Variants in KIT observed in about 807,000 individuals in gnomAD.
The protein encoded by KIT is mast/stem cell growth factor receptor Kit.
KIT carries 16 observed loss-of-function variants against 105.7 expected under a neutral mutation model. That is an observed-to-expected ratio of 0.15 (90% CI 0.10 to 0.23). The LOEUF (loss-of-function observed/expected upper bound fraction) is 0.23, where lower values mean the gene tolerates loss of function less well. Among genes scored for constraint, KIT ranks in the 10% least tolerant of loss-of-function variants. The pLI is 1.00. For missense variants in KIT, 858 were observed against 1,213.8 expected (o/e 0.71, Z 4.36); for synonymous variants, 438 against 441.1 (o/e 0.99, Z 0.09).
intron 1 of KIT, 78 bp from the exon 2 acceptor site, chr4:54,695,434 G>T: frequency 6.9e-7 from 1 of 1,458,538 alleles, no homozygotes; most frequent in Non-Finnish European, 9.6e-7. Flanking sequence ...ACAGAAGATG[G>T]AACTCAGTAT....
chr4:54,659,588 G>A (rs1258815396), intron 1 of KIT, among the ~76,000 whole-genome samples: 2 of 152,138 alleles, frequency 1.3e-5, no homozygotes, highest in African/African-American at 4.8e-5. Flanking sequence ...CTTTCCTGTG[G>A]GGGGCAGAGA....
chr4:54,731,249 G>T, intron 14 of KIT, 79 bp from the exon 15 acceptor site: 1 of 921,014 alleles, frequency 1.1e-6, no homozygotes, highest in South Asian at 1.3e-5. Context: ...CAAAGGGGAT[G>T]AGGAGGTAGA....
chr4:54,740,057 C>T lies in KIT; in HGVS notation c.*1500C>T, dbSNP rs1723154215. The T allele has an allele frequency of 4.3e-6, 1 of 233,656 alleles. No homozygotes were observed. Among genetic ancestry groups the T allele is most frequent in the Non-Finnish European group, 8.5e-6 (1 of 118,020 alleles). 14.5% of individuals were successfully genotyped at this position (233,656 alleles called of 1,614,324 possible). A position where few individuals can be genotyped will look rare whatever the true frequency, so the allele number is the denominator to read the frequency against. On this transcript the variant is annotated 3_prime_UTR_variant, in exon 21 of 21. Transcript: ENST00000288135. ...AAAACAAAACAAAAAACTCCCCTTCCTCACTGCCCAATATAAAAGGCAAAT... is the reference window on the plus strand; with the variant it reads ...AAAACAAAACAAAAAACTCCCCTTCTTCACTGCCCAATATAAAAGGCAAAT...
At chr4:54,678,345 C>CTTCT (rs1718653817) in intron 1 of KIT, among the ~76,000 whole-genome samples, 1 of 99,488 alleles carries the variant, frequency 1.0e-5, no homozygotes, top group South Asian at 3.4e-4. Context: ...TCCTTCCTTC[C>CTTCT]TTCCTTCCCT....
intron 1 of KIT, among the ~76,000 whole-genome samples, chr4:54,682,837 T>C (rs1719044708): frequency 6.6e-6 from 1 of 151,180 alleles, no homozygotes; most frequent in African/African-American, 2.4e-5. Context: ...CTGCAACCTC[T>C]GCCTCCCTGG....
intron 1 of KIT, among the ~76,000 whole-genome samples, chr4:54,673,909 A>T (rs571714485): frequency 1.3e-5 from 2 of 152,142 alleles, no homozygotes; most frequent in Non-Finnish European, 2.9e-5. Context: ...AGCTGGGATT[A>T]TAGGCATGTG....
At position 54,739,805 on chromosome 4, in the gene KIT, G is replaced by A. The variant is rs1054766496; in HGVS notation, c.*1248G>A. 4.3e-6 allele frequency: 1 copy of A among 233,546 alleles called. No homozygotes were observed. Among genetic ancestry groups the A allele is most frequent in the Non-Finnish European group, 8.5e-6 (1 of 117,972 alleles). The allele number at this position is 233,546 out of a possible 1,614,324, so 14.5% of individuals were successfully genotyped here. ...GTTTCTTTTCACATAGCTGTCTAGA[G>A]TAGCTTACCAGAAGCTTCCATAGTG... On this transcript the variant is annotated 3_prime_UTR_variant, in exon 21 of 21. Transcript: ENST00000288135.
intron 1 of KIT, among the ~76,000 whole-genome samples, chr4:54,695,018 A>G (rs896404393): frequency 1.3e-5 from 2 of 152,238 alleles, no homozygotes; most frequent in African/African-American, 2.4e-5. Flanking sequence ...ATTGCCATGT[A>G]AAGAGAGTTA....
intron 8 of KIT, among the ~76,000 whole-genome samples, chr4:54,724,536 CT>C (rs1722096899): frequency 6.6e-6 from 1 of 152,074 alleles, no homozygotes; most frequent in African/African-American, 2.4e-5. Context: ...GAAGCAAGCC[CT>C]GTAGTTACAG....
chr4:54,690,926 T>C (rs1719666525), intron 1 of KIT, among the ~76,000 whole-genome samples: 2 of 152,256 alleles, frequency 1.3e-5, no homozygotes, highest in Admixed American at 6.5e-5. Flanking sequence ...CATTTTATAA[T>C]GTGAGTTTAT....
chr4:54,684,203 G>A (rs1000234175), intron 1 of KIT, among the ~76,000 whole-genome samples: 1 of 151,966 alleles, frequency 6.6e-6, no homozygotes, highest in Non-Finnish European at 1.5e-5. Context: ...GGGTGGTGCA[G>A]CCTGACTGCC....
chr4:54,698,678 A>G, intron 3 of KIT, 113 bp downstream of exon 3: 1 of 1,181,342 alleles, frequency 8.5e-7, no homozygotes, highest in Non-Finnish European at 1.2e-6. Flanking sequence ...AGCTGTTCAT[A>G]GTTCCCCCAG....
At chr4:54,736,883 A>G (rs1161820062) in intron 19 of KIT, 63 bp downstream of exon 19, 1 of 1,250,412 alleles carries the variant, frequency 8.0e-7, no homozygotes, top group Non-Finnish European at 1.2e-6. Context: ...TTTTAGAGAC[A>G]GAAACCCAGA....
intron 7 of KIT, among the ~76,000 whole-genome samples, chr4:54,710,407 G>T (rs572135640): frequency 2.0e-5 from 3 of 152,304 alleles, no homozygotes; most frequent in Admixed American, 2.0e-4. Context: ...GAGACAACTG[G>T]AATATTTCAT....
intron 1 of KIT, among the ~76,000 whole-genome samples, chr4:54,671,028 C>T (rs1474543609): frequency 6.6e-6 from 1 of 152,228 alleles, no homozygotes; most frequent in African/African-American, 2.4e-5. Flanking sequence ...CATTTAGCCA[C>T]CATCAGCCCT....
At chr4:54,722,843 TTATATATATTTTTATATATATGTA>T (rs1560413752) in intron 7 of KIT, among the ~76,000 whole-genome samples, 3 of 143,158 alleles carry the variant, frequency 2.1e-5, no homozygotes, top group African/African-American at 8.1e-5. Flanking sequence ...TTATATATAT[TTATATATATTTTTATATATATGTA>T]TATATATTTA....
intron 7 of KIT, among the ~76,000 whole-genome samples, chr4:54,719,566 G>A (rs979220279): frequency 1.2e-5 from 1 of 86,902 alleles, no homozygotes; most frequent in Non-Finnish European, 3.1e-5. Context: ...AAGGCAAAAA[G>A]GCTATTTTTT....
At chr4:54,718,324 C>T (rs1721631040) in intron 7 of KIT, among the ~76,000 whole-genome samples, 1 of 152,206 alleles carries the variant, frequency 6.6e-6, no homozygotes, top group Non-Finnish European at 1.5e-5. Flanking sequence ...TGGTCTTTCT[C>T]CTGCCTTGGC....
chr4:54,718,197 T>G (rs1422320245), intron 7 of KIT, among the ~76,000 whole-genome samples: 1 of 152,086 alleles, frequency 6.6e-6, no homozygotes, highest in African/African-American at 2.4e-5. Flanking sequence ...ACTTCCCAGG[T>G]TCAAGCAGTT....
Sources: gnomAD v4.1 joint callset for allele counts (sites outside exome capture counted in the v4.1 genomes callset) on GRCh38, gnomAD v4.1.1 for gene constraint, MANE v1.5 for transcripts, NCBI Gene and HGNC (gene_info 2026-07-23, HGNC 2026-07-21) for gene names.